The following PRKCQ variants were observed in gnomAD, a reference collection of about 807,000 sequenced individuals.
The protein encoded by PRKCQ is protein kinase C theta type.
A neutral mutation model predicts 91.2 loss-of-function variants in PRKCQ; 41 were observed. The observed-to-expected ratio is 0.45, with a 90% CI of 0.35 to 0.58. The LOEUF is 0.58. PRKCQ is among the 20% of genes least tolerant of loss of function. The pLI is 0.00. For missense variants in PRKCQ, 673 were observed against 896.5 expected, an observed-to-expected ratio of 0.75 and a Z score of 3.18; for synonymous variants, 307 against 316.9, an observed-to-expected ratio of 0.97 and a Z score of 0.33.
chr10:6,403,217 G>A, the PRKCQ span, among the ~76,000 whole-genome samples: 1 of 152,226 alleles, frequency 6.6e-6, no homozygotes, highest in African/African-American at 2.4e-5. Flanking sequence ...ATGTGCAGAC[G>A]GTGGACACTC....
chr10:6,443,281 T>C (rs1023284407), intron 15 of PRKCQ, among the ~76,000 whole-genome samples: 1 of 152,172 alleles, frequency 6.6e-6, no homozygotes, highest in African/African-American at 2.4e-5. Context: ...GACCCATCCA[T>C]GGATGAAAGA....
rs1833214043 is a variant in PRKCQ, at chr10:6,428,149, T to C, written c.*58A>G. The C allele has an allele frequency of 1.2e-6, 2 of 1,605,452 alleles. No homozygotes were observed. Among genetic ancestry groups the C allele is most frequent in the South Asian group, 2.2e-5 (2 of 90,628 alleles). The stretch of plus-strand genomic sequence containing the variant: ...TTGAAAAAGGAACCCAAGCAGTGTC[T>C]CTTGAACCAGTTCCCAGGGAGAAGG... On this transcript the variant is annotated 3_prime_UTR_variant, in exon 18 of 18. Coordinates refer to ENST00000263125, the MANE Select transcript of PRKCQ (RefSeq NM_006257.5).
chr10:6,399,237 A>G, the PRKCQ span, among the ~76,000 whole-genome samples: 1 of 152,224 alleles, frequency 6.6e-6, no homozygotes, highest in Admixed American at 6.5e-5. Flanking sequence ...TGCATATAGT[A>G]GGTCCTCGAT....
Position 6,487,867 on chromosome 10 carries a change from T to C in PRKCQ, c.791-1723A>G, listed in dbSNP as rs557162808. Among the ~76,000 whole-genome samples, 13 of 151,968 alleles carry C rather than the reference T, an allele frequency of 8.6e-5. No homozygotes were observed. In the East Asian group the frequency reaches 2.3e-3, roughly 27 times the overall value. On this transcript the variant is annotated intron_variant, in intron 8 of 17. Coordinates refer to ENST00000263125, the MANE Select transcript of PRKCQ (RefSeq NM_006257.5). ...AATAACAATAAAAATTAGCCAGGTG[T>C]GGTGGTGCACATCTGTAATCCCAGC... is the stretch of plus-strand genomic sequence containing the variant.
intron 11 of PRKCQ, among the ~76,000 whole-genome samples, chr10:6,482,436 G>A (rs1836655634): frequency 6.6e-6 from 1 of 152,090 alleles, no homozygotes; most frequent in Admixed American, 6.6e-5. Context: ...TCTCAAAAAA[G>A]GAGAACACTT....
At chr10:6,433,673 C>T (rs978888025) in intron 16 of PRKCQ, among the ~76,000 whole-genome samples, 3 of 152,174 alleles carry the variant, frequency 2.0e-5, no homozygotes, top group Non-Finnish European at 2.9e-5. Context: ...GACACCTGCA[C>T]CCCATACATT....
In PRKCQ at chr10:6,442,059, T is replaced by C; in HGVS notation, c.1670A>G (p.Asn557Ser). The C allele has an allele frequency of 2.5e-6, 4 of 1,613,216 alleles. No individual in the cohort carries two copies. The highest frequency in any genetic ancestry group is 2.5e-6 in the Non-Finnish European group (3 of 1,179,352). Residue 557 changes from asparagine to serine, a missense_variant, in exon 16 of 18, where the codon AAC becomes AGC. Physicochemically the swap from Asn to Ser is conservative, Grantham distance 46. Transcript: ENST00000263125. ...APEILLGQKY[N>S]HSVDWWSFGV... ...GAAGGACCACCAGTCCACAGAGTGG[T>C]TGTATTTCTGACCCAGCAAGATCTG...
Position 6,464,536 on chromosome 10 carries a change from G to A in PRKCQ, c.1354-132C>T, listed in dbSNP as rs41306920. 7.4e-3 allele frequency: 5,105 copies of A among 688,438 alleles called. 51 individuals carry two copies. Among genetic ancestry groups the A allele is most frequent in the Middle Eastern group, 0.02 (64 of 3,160 alleles). The allele number at this position is 688,438 out of a possible 1,614,324, so 42.6% of individuals were successfully genotyped here. ...GTGATCTCGGGTCACTGCAACCTCCGCCTCCTGGCTTCAAGAGATTCTCCC... is the reference window on the plus strand; with the variant it reads ...GTGATCTCGGGTCACTGCAACCTCCACCTCCTGGCTTCAAGAGATTCTCCC... On this transcript the variant is annotated intron_variant, in intron 12 of 17. Transcript: ENST00000263125.
chr10:6,429,742 A>T (rs1833314348), intron 17 of PRKCQ, among the ~76,000 whole-genome samples: 1 of 149,560 alleles, frequency 6.7e-6, no homozygotes, highest in Non-Finnish European at 1.5e-5. Flanking sequence ...TTTTCTAAAA[A>T]GTTTTATTTT....
chr10:6,524,962 G>T (rs924210262), intron 1 of PRKCQ, among the ~76,000 whole-genome samples: 1 of 152,164 alleles, frequency 6.6e-6, no homozygotes, highest in Middle Eastern at 3.2e-3. Context: ...TTAAAAAGGG[G>T]TTAGGCTTTC....
chr10:6,463,496 G>T (rs939124886), intron 13 of PRKCQ, among the ~76,000 whole-genome samples: 2 of 152,136 alleles, frequency 1.3e-5, no homozygotes, highest in Non-Finnish European at 2.9e-5. Context: ...CATTGCTGAG[G>T]TTTCCCAGAG....
At chr10:6,514,890 A>G in intron 2 of PRKCQ, 128 bp downstream of exon 2, 1 of 1,465,094 alleles carries the variant, frequency 6.8e-7, no homozygotes, top group Middle Eastern at 2.4e-4. Context: ...GCTGGGCATC[A>G]GCGTCCTAAA....
chr10:6,529,130 G>C (rs12246251), intron 1 of PRKCQ, among the ~76,000 whole-genome samples: 1 of 152,176 alleles, frequency 6.6e-6, no homozygotes, highest in African/African-American at 2.4e-5. Context: ...CATGCCTTTA[G>C]AAGTGGCTGA....
At chr10:6,420,027 C>T in the PRKCQ span, among the ~76,000 whole-genome samples, 10 of 151,994 alleles carry the variant, frequency 6.6e-5, no homozygotes, top group Admixed American at 1.3e-4. Flanking sequence ...TCACTCTTGT[C>T]GCCCAGGCTG....
chr10:6,513,138 C>T (rs566916453), intron 2 of PRKCQ, among the ~76,000 whole-genome samples: 24 of 152,268 alleles, frequency 1.6e-4, no homozygotes, highest in East Asian at 5.8e-4. Context: ...AGAGTGTTAC[C>T]GTTTTAACGA....
chr10:6,464,239 GA>G, intron 13 of PRKCQ, 73 bp downstream of exon 13: 3 of 1,380,716 alleles, frequency 2.2e-6, no homozygotes, highest in Admixed American at 2.0e-5. Context: ...TGCCAAGTGG[GA>G]AAAAAGGAAA....
At chr10:6,485,316 TG>T in intron 9 of PRKCQ, 47 bp from the exon 10 acceptor site, 1 of 1,448,604 alleles carries the variant, frequency 6.9e-7, no homozygotes, top group Non-Finnish European at 9.7e-7. Context: ...CCACCATTGA[TG>T]GAACAGCTCA....
chr10:6,507,705 A>G (rs1041446621), intron 3 of PRKCQ, among the ~76,000 whole-genome samples: 9 of 152,226 alleles, frequency 5.9e-5, no homozygotes, highest in African/African-American at 2.2e-4. Context: ...GCAATTCATT[A>G]ATTTTATTTG....
At chr10:6,467,403 G>C (rs984057159) in intron 12 of PRKCQ, among the ~76,000 whole-genome samples, 8 of 122,386 alleles carry the variant, frequency 6.5e-5, no homozygotes, top group Non-Finnish European at 8.9e-5. Flanking sequence ...GAGAGAGAGA[G>C]AGAGAGAGAG....
Sources: allele counts gnomAD v4.1 joint callset (sites outside exome capture counted in the v4.1 genomes callset), GRCh38; gene constraint gnomAD v4.1.1; transcripts MANE v1.5; gene names NCBI Gene and HGNC (gene_info 2026-07-23, HGNC 2026-07-21).